The following KIAA1549L variants were observed in gnomAD, a reference collection of about 807,000 sequenced individuals.
KIAA1549L encodes KIAA1549 like, also known as UPF0606 protein KIAA1549L.
In KIAA1549L, 88 loss-of-function variants were observed where a neutral mutation model predicts 160.7. The observed-to-expected ratio is 0.55, with a 90% confidence interval of 0.46 to 0.65. The LOEUF (loss-of-function observed/expected upper bound fraction) is 0.65. Ranked by LOEUF, KIAA1549L falls within the 30% of genes least tolerant of loss-of-function variation. The pLI, the probability that KIAA1549L is intolerant of heterozygous loss-of-function variation, is 0.00. For missense variants in KIAA1549L, 2,258 were observed against 2,437.5 expected, an observed-to-expected ratio of 0.93 and a Z score of 1.55; for synonymous variants, 950 against 976.7, an observed-to-expected ratio of 0.97 and a Z score of 0.51.
chr11:33,632,887 G>A (rs537636608), intron 16 of KIAA1549L, among the ~76,000 whole-genome samples: 67 of 152,058 alleles, frequency 4.4e-4, no homozygotes, highest in African/African-American at 1.5e-3. Context: ...TGAGCACTGT[G>A]TTGGGCATTT....
chr11:33,547,561 C>T (rs1481450025), intron 3 of KIAA1549L, among the ~76,000 whole-genome samples: 1 of 152,198 alleles, frequency 6.6e-6, no homozygotes, highest in Non-Finnish European at 1.5e-5. Context: ...ACTCGGGTCA[C>T]ACAAATGGCT....
rs553337251 is a variant in KIAA1549L at position 33,524,642 on chromosome 11, G to A, written c.239-17160G>A. Among the ~76,000 whole-genome samples, 252 of 152,264 alleles carry A rather than the reference G, an allele frequency of 1.7e-3. 2 individuals are homozygous for A. The highest frequency in any genetic ancestry group is 5.9e-3 in the African/African-American group (246 of 41,546). Reference sequence around the variant, plus strand: ...TTACTGTTCCAACTGAGTGTTGGGAGAGTGTTAAAAATTCTTTGACTTAAA... The same window carrying A: ...TTACTGTTCCAACTGAGTGTTGGGAAAGTGTTAAAAATTCTTTGACTTAAA... On this transcript the variant is annotated intron_variant, in intron 1 of 20. Coordinates refer to ENST00000658780, the MANE Select transcript of KIAA1549L (RefSeq NM_012194.3).
In KIAA1549L at chr11:33,449,233, AT is replaced by A. The variant is rs553540920; in HGVS notation, c.238+72356del. On this transcript the variant is annotated intron_variant, in intron 1 of 20. Coordinates refer to ENST00000658780, the MANE Select transcript of KIAA1549L (RefSeq NM_012194.3). ...AACTTTTTGGAAAATTTGCTCTTCAATTTTTTTTTTTTCTGTGTGTGATCTC... is the reference window on the plus strand; with the variant it reads ...AACTTTTTGGAAAATTTGCTCTTCAATTTTTTTTTTTCTGTGTGTGATCTC... 1.5e-3 allele frequency among the ~76,000 whole-genome samples: 214 copies of A among 146,000 alleles called. 1 individual carries two copies. Among genetic ancestry groups the A allele is most frequent in the Middle Eastern group, 7.1e-3 (2 of 280 alleles).
chr11:33,483,528 C>T lies in KIAA1549L; in HGVS notation c.239-58274C>T, dbSNP rs547949995. Among the ~76,000 whole-genome samples, 455 of 152,204 alleles carry T rather than the reference C, an allele frequency of 3.0e-3. 2 individuals carry two copies. Among genetic ancestry groups the T allele is most frequent in the Non-Finnish European group, 4.9e-3 (334 of 68,006 alleles). ...GGCATACCACTGGGCATGGCAGGCA[C>T]GAGGCAAGGCAGGCATATGTTTGCT... On this transcript the variant is annotated intron_variant, in intron 1 of 20. Transcript: ENST00000658780.
chr11:33,404,981 C>G (rs1850614671), intron 1 of KIAA1549L, among the ~76,000 whole-genome samples: 1 of 136,242 alleles, frequency 7.3e-6, no homozygotes, highest in Non-Finnish European at 1.5e-5. Context: ...GCACTCCAGC[C>G]TGGGCGACAG....
chr11:33,400,324 A>G (rs1850471878), intron 1 of KIAA1549L, among the ~76,000 whole-genome samples: 1 of 152,240 alleles, frequency 6.6e-6, no homozygotes. Context: ...AAGCTTAAGT[A>G]TCCAGGCACA....
In KIAA1549L at chr11:33,559,631, AC is replaced by A; in HGVS notation, c.3856-113del. On this transcript the variant is annotated intron_variant, in intron 6 of 20. Transcript: ENST00000658780. ...TTGTCTGTTCCTTGCTGTTTCCCTG[AC>A]CCCCTTTCATTCCTTCCCTCAACTC... 7 of 738,510 alleles carry A rather than the reference AC, an allele frequency of 9.5e-6. No homozygotes were observed. In the South Asian group the frequency reaches 1.0e-4, roughly 11 times the overall value. The allele number at this position is 738,510 out of a possible 1,614,324, so 45.7% of individuals were successfully genotyped here.
chr11:33,435,759 G>GAA (rs1429879805), intron 1 of KIAA1549L, among the ~76,000 whole-genome samples: 1 of 14,994 alleles, frequency 6.7e-5, no homozygotes, highest in African/African-American at 3.0e-4. Context: ...GAACCAATAA[G>GAA]ATATATATAT....
intron 1 of KIAA1549L, among the ~76,000 whole-genome samples, chr11:33,422,214 G>A (rs1851027433): frequency 6.6e-6 from 1 of 152,112 alleles, no homozygotes; most frequent in South Asian, 2.1e-4. Flanking sequence ...TCTTGAATTG[G>A]AATCCCTGGG....
chr11:33,625,661 C>T (rs1282408388), intron 16 of KIAA1549L, among the ~76,000 whole-genome samples: 1 of 151,924 alleles, frequency 6.6e-6, no homozygotes, highest in Non-Finnish European at 1.5e-5. Context: ...GATATTAGCC[C>T]TTTGTCAGAT....
At chr11:33,578,532 G>A (rs1020276907) in intron 10 of KIAA1549L, among the ~76,000 whole-genome samples, 1 of 152,166 alleles carries the variant, frequency 6.6e-6, no homozygotes, top group Admixed American at 6.5e-5. Flanking sequence ...TGTAATTAGA[G>A]TCATTGTAAT....
chr11:33,431,660 T>C (rs1851246608), intron 1 of KIAA1549L, among the ~76,000 whole-genome samples: 1 of 152,346 alleles, frequency 6.6e-6, no homozygotes, highest in East Asian at 1.9e-4. Context: ...CCCACCAGAC[T>C]CAGGAGCCCA....
chr11:33,500,795 T>G (rs1852929169), intron 1 of KIAA1549L, among the ~76,000 whole-genome samples: 1 of 152,056 alleles, frequency 6.6e-6, no homozygotes, highest in Non-Finnish European at 1.5e-5. Context: ...ATGTTGTATA[T>G]GAATAAAAGA....
intron 8 of KIAA1549L, among the ~76,000 whole-genome samples, chr11:33,562,284 GT>G (rs1175683149): frequency 6.6e-6 from 1 of 152,170 alleles, no homozygotes; most frequent in African/African-American, 2.4e-5. Context: ...TCTTCTTTGT[GT>G]TTTTCAAAAG....
At chr11:33,445,932 T>C (rs1044642165) in intron 1 of KIAA1549L, among the ~76,000 whole-genome samples, 1 of 152,202 alleles carries the variant, frequency 6.6e-6, no homozygotes, top group African/African-American at 2.4e-5. Context: ...GGTGCTTTGA[T>C]CTTGGACTTC....
chr11:33,575,262 A>G (rs1229159697), intron 10 of KIAA1549L, among the ~76,000 whole-genome samples: 1 of 152,242 alleles, frequency 6.6e-6, no homozygotes, highest in Non-Finnish European at 1.5e-5. Context: ...AGTGGGCGAG[A>G]CCTGGCTCCT....
At position 33,542,390 on chromosome 11, in the gene KIAA1549L, C is replaced by G. The variant is rs188776354; in HGVS notation, c.827C>G (p.Thr276Arg). 1.7e-5 allele frequency: 23 copies of G among 1,346,140 alleles called. No homozygotes were observed. The African/African-American group carries it at 3.2e-4, about 19-fold the overall frequency. 83.4% of individuals were successfully genotyped at this position (1,346,140 alleles called of 1,614,324 possible). Reference protein sequence around the residue: ...QSPKVLLVPQTAPADPSLGQN... With the variant: ...QSPKVLLVPQRAPADPSLGQN... ...CCCAAAGTGCTGTTAGTTCCCCAAA[C>G]AGCTCCAGCCGACCCCTCTTTAGGT... Residue 276 changes from threonine to arginine, a missense_variant, in exon 2 of 21, where the codon ACA becomes AGA. Thr to Arg is a moderately conservative substitution (Grantham distance 71). This residue lies in a region of KIAA1549L where 540 missense variants were observed against 465.7 expected (regional missense o/e 1.16). Coordinates refer to ENST00000658780, the MANE Select transcript of KIAA1549L (RefSeq NM_012194.3).
intron 16 of KIAA1549L, among the ~76,000 whole-genome samples, chr11:33,642,609 A>G (rs186548370): frequency 6.6e-6 from 1 of 151,888 alleles, no homozygotes; most frequent in Admixed American, 6.6e-5. Flanking sequence ...GGGGGTGGAA[A>G]TGGTTATGAC....
rs1174142069 is a variant in KIAA1549L at position 33,672,976 on chromosome 11, A to G, written c.*4822A>G. 2.0e-5 allele frequency: 3 copies of G among 153,374 alleles called. No individual in the cohort carries two copies. Among genetic ancestry groups the G allele is most frequent in the Non-Finnish European group, 4.4e-5 (3 of 68,046 alleles). 9.5% of individuals were successfully genotyped at this position (153,374 alleles called of 1,614,324 possible). ...AAAATTGGTTTCAAGTGAAACTTAC[A>G]TTATTTTTTGGCTGTGACCTTCTGA... On this transcript the variant is annotated 3_prime_UTR_variant, in exon 21 of 21. Transcript: ENST00000658780.
Sources: gnomAD v4.1 joint callset for allele counts (sites outside exome capture counted in the v4.1 genomes callset) on GRCh38, gnomAD v4.1.1 for gene constraint, gnomAD v4.1.1 regional missense constraint, MANE v1.5 for transcripts, NCBI Gene and HGNC (gene_info 2026-07-23, HGNC 2026-07-21) for gene names.